CSMD1: variants seen among roughly 807,000 people sequenced by gnomAD.
CSMD1 encodes CUB and sushi domain-containing protein 1.
A neutral mutation model predicts 417.5 loss-of-function variants in CSMD1; 213 were observed. That is an observed-to-expected ratio of 0.51 (90% CI 0.46 to 0.57). The LOEUF (loss-of-function observed/expected upper bound fraction) is 0.57. CSMD1 is among the 20% of genes least tolerant of loss of function. The pLI, the probability that CSMD1 is intolerant of heterozygous loss-of-function variation, is 0.00. For synonymous variants in CSMD1, 2,862 were observed against 1,736.8 expected (o/e 1.65, Z -16.11); for missense variants, 6,923 against 4,529.7 (o/e 1.53, Z -15.17).
In CSMD1 at chr8:3,187,962, G is replaced by C. The variant is rs778956902; in HGVS notation, c.5527C>G (p.Gln1843Glu). The C allele has an allele frequency of 6.2e-7, 1 of 1,611,526 alleles. No homozygotes were observed. Among genetic ancestry groups the C allele is most frequent in the South Asian group, 1.1e-5 (1 of 90,692 alleles). The change falls in exon 36 of 70, where the codon CAA becomes GAA. Residue 1843 changes from glutamine to glutamate, a missense_variant. Coordinates refer to ENST00000635120, the MANE Select transcript of CSMD1 (RefSeq NM_033225.6). ...TGCTCCGTGGCAAAACTGATCACTT[G>C]GATCTACCAAACCATGACATTAAGT... is the stretch of plus-strand genomic sequence containing the variant. ...IVTEGSGIQIQVISFATEQNW... is the reference protein window; with the variant it reads ...IVTEGSGIQIEVISFATEQNW...
At chr8:3,245,757 G>A (rs957358857) in intron 26 of CSMD1, among the ~76,000 whole-genome samples, 2 of 152,162 alleles carry the variant, frequency 1.3e-5, no homozygotes, top group South Asian at 2.1e-4. Context: ...GATCTAGAAC[G>A]GACTATGTGT....
intron 1 of CSMD1, among the ~76,000 whole-genome samples, chr8:4,660,407 C>T (rs1344739917): frequency 6.6e-6 from 1 of 152,010 alleles, no homozygotes; most frequent in Non-Finnish European, 1.5e-5. Flanking sequence ...AAGCAAGATA[C>T]CATGTCAGAA....
chr8:4,412,635 G>A (rs1470351389), intron 3 of CSMD1, among the ~76,000 whole-genome samples: 3 of 152,132 alleles, frequency 2.0e-5, no homozygotes, highest in Non-Finnish European at 4.4e-5. Flanking sequence ...TATTCCAACG[G>A]AATCAGAAAC....
At chr8:4,732,012 T>A (rs1487970231) in intron 1 of CSMD1, among the ~76,000 whole-genome samples, 2 of 152,134 alleles carry the variant, frequency 1.3e-5, no homozygotes, top group Non-Finnish European at 2.9e-5. Context: ...ACGAGAAGAC[T>A]GAGGAGCCAG....
rs569534132 is a variant in CSMD1, at chr8:4,228,994, T to G, written c.415+190959A>C. Among the ~76,000 whole-genome samples the G allele has an allele frequency of 5.9e-5, 9 of 152,232 alleles. No individual in the cohort carries two copies. In the East Asian group the frequency reaches 1.7e-3, roughly 30 times the overall value. On this transcript the variant is annotated intron_variant, in intron 3 of 69. Coordinates refer to ENST00000635120, the MANE Select transcript of CSMD1 (RefSeq NM_033225.6). ...GACCCCTGATTTTAAAGCGCGAACC[T>G]GGACTTTTCCATGAAATTGAGACAC...
chr8:4,960,404 T>C (rs1239597349), intron 1 of CSMD1, among the ~76,000 whole-genome samples: 1 of 152,190 alleles, frequency 6.6e-6, no homozygotes, highest in South Asian at 2.1e-4. Flanking sequence ...AAGCTACCGA[T>C]CTCACTCTTC....
At chr8:4,861,980 CT>C (rs1396302025) in intron 1 of CSMD1, among the ~76,000 whole-genome samples, 4 of 152,076 alleles carry the variant, frequency 2.6e-5, no homozygotes, top group Admixed American at 6.5e-5. Context: ...TATGCATTAA[CT>C]AGTATTGAAC....
intron 20 of CSMD1, among the ~76,000 whole-genome samples, chr8:3,362,667 C>T (rs1585053964): frequency 6.6e-6 from 1 of 152,156 alleles, no homozygotes; most frequent in African/African-American, 2.4e-5. Context: ...CCCTCAATAT[C>T]CCCAGGAGAA....
intron 2 of CSMD1, among the ~76,000 whole-genome samples, chr8:4,537,092 G>C (rs1399456342): frequency 2.0e-5 from 3 of 152,080 alleles, no homozygotes; most frequent in African/African-American, 7.2e-5. Context: ...ATCAAAATAG[G>C]GAAATGTGAA....
At chr8:4,223,452 G>T (rs937561474) in intron 3 of CSMD1, among the ~76,000 whole-genome samples, 4 of 152,222 alleles carry the variant, frequency 2.6e-5, no homozygotes, top group African/African-American at 9.6e-5. Flanking sequence ...CTGACTGCTG[G>T]CCCAGACCAT....
intron 43 of CSMD1, among the ~76,000 whole-genome samples, chr8:3,109,381 G>T (rs1816355174): frequency 6.6e-6 from 1 of 152,206 alleles, no homozygotes; most frequent in Non-Finnish European, 1.5e-5. Context: ...TTTTGTTTTG[G>T]TTTTAAAACG....
At chr8:4,804,865 A>G (rs1330904880) in intron 1 of CSMD1, among the ~76,000 whole-genome samples, 1 of 152,244 alleles carries the variant, frequency 6.6e-6, no homozygotes, top group African/African-American at 2.4e-5. Flanking sequence ...ATTGTCTAAC[A>G]GCCTGTACCC....
chr8:4,230,248 A>G (rs1269459427), intron 3 of CSMD1, among the ~76,000 whole-genome samples: 1 of 152,134 alleles, frequency 6.6e-6, no homozygotes, highest in Non-Finnish European at 1.5e-5. Context: ...TCTACAATAG[A>G]TTTATATCGT....
chr8:3,531,193 G>T (rs1351570), intron 10 of CSMD1, among the ~76,000 whole-genome samples: 118,413 of 151,980 alleles, frequency 0.78, 46,312 homozygotes, highest in East Asian at 0.98. Flanking sequence ...CATAATTTCT[G>T]GAGATTCACC....
At chr8:3,496,081 C>G (rs1796352355) in intron 10 of CSMD1, among the ~76,000 whole-genome samples, 1 of 152,134 alleles carries the variant, frequency 6.6e-6, no homozygotes, top group African/African-American at 2.4e-5. Flanking sequence ...GAAATAGGCT[C>G]CGATGTGTGT....
At chr8:3,793,357 TG>T (rs1328359869) in intron 5 of CSMD1, among the ~76,000 whole-genome samples, 15 of 152,188 alleles carry the variant, frequency 9.9e-5, no homozygotes, top group African/African-American at 3.6e-4. Flanking sequence ...ATTTAAATTC[TG>T]TCATTTTCTT....
rs778196861 is a variant in CSMD1, at chr8:4,300,582, G to A, written c.415+119371C>T. ...AAGTTTTAGGGTACATGTGCACAAC[G>A]TGCGGGTTTGTTTCATATGTATACA... On this transcript the variant is annotated intron_variant, in intron 3 of 69. Transcript: ENST00000635120. Among the ~76,000 whole-genome samples, 5 of 151,968 alleles carry A rather than the reference G, an allele frequency of 3.3e-5. No homozygotes were observed. The South Asian group carries it at 6.2e-4, about 19-fold the overall frequency.
chr8:4,700,844 G>C (rs904814808), intron 1 of CSMD1, among the ~76,000 whole-genome samples: 5 of 152,108 alleles, frequency 3.3e-5, no homozygotes, highest in Non-Finnish European at 7.4e-5. Context: ...AGCAAGAATA[G>C]GAAGAAAGGA....
chr8:3,813,874 G>A (rs1179605827), intron 5 of CSMD1, among the ~76,000 whole-genome samples: 1 of 152,174 alleles, frequency 6.6e-6, no homozygotes, highest in African/African-American at 2.4e-5. Context: ...AGAAAAAGAA[G>A]AGAAAGTGAT....
Sources: gnomAD v4.1 joint callset for allele counts (sites outside exome capture counted in the v4.1 genomes callset) on GRCh38, gnomAD v4.1.1 for gene constraint, MANE v1.5 for transcripts, NCBI Gene and HGNC (gene_info 2026-07-23, HGNC 2026-07-21) for gene names.